The following LCORL variants were observed in gnomAD, a reference collection of about 807,000 sequenced individuals.
The protein encoded by LCORL is ligand-dependent nuclear receptor corepressor-like protein.
A neutral mutation model predicts 141.8 loss-of-function variants in LCORL; 41 were observed. The ratio of observed to expected loss-of-function variants is 0.29; its 90% CI spans 0.23 to 0.38. LCORL has a LOEUF of 0.38. Ranked by LOEUF, LCORL falls within the 10% of genes least tolerant of loss-of-function variation. LCORL has a pLI of 1.00. For synonymous variants in LCORL, 618 were observed against 694.1 expected, an observed-to-expected ratio of 0.89 and a Z score of 1.72; for missense variants, 1,759 against 2,035.0, an observed-to-expected ratio of 0.86 and a Z score of 2.61.
intron 1 of LCORL, among the ~76,000 whole-genome samples, chr4:17,976,527 C>A (rs1294853840): frequency 6.6e-6 from 1 of 152,014 alleles, no homozygotes; most frequent in African/African-American, 2.4e-5. Context: ...ATGTAAGAAT[C>A]AATACATAGA....
chr4:17,873,616 T>A (rs1726607371), exon 7 of LCORL: 2 of 1,233,892 alleles, frequency 1.6e-6, no homozygotes, highest in Non-Finnish European at 2.0e-6. Flanking sequence ...GTGTTAGCAT[T>A]TTCTATTTCT....
chr4:17,882,368 T>C (rs1463025824), intron 6 of LCORL: 1 of 983,588 alleles, frequency 1.0e-6, no homozygotes, highest in Non-Finnish European at 1.2e-6. Context: ...ATTCTTTATA[T>C]GAAGGCATAT....
chr4:17,885,333 A>T (rs1394989493), intron 6 of LCORL, among the ~76,000 whole-genome samples: 1 of 151,980 alleles, frequency 6.6e-6, no homozygotes, highest in East Asian at 1.9e-4. Flanking sequence ...AAATGTCACT[A>T]TTTCAAATTA....
At chr4:17,855,178 C>T (rs6844379) in intron 7 of LCORL, among the ~76,000 whole-genome samples, 106,160 of 151,984 alleles carry the variant, frequency 0.7, 37,361 homozygotes, top group South Asian at 0.85. Flanking sequence ...TCTTCAGAAA[C>T]TAATGAACAC....
chr4:17,881,551 T>TA, intron 6 of LCORL: 1 of 949,386 alleles, frequency 1.1e-6, no homozygotes, highest in South Asian at 4.9e-5. Context: ...ATATTACCTA[T>TA]AAAACTACTG....
At chr4:17,934,194 A>T (rs962375321) in intron 4 of LCORL, among the ~76,000 whole-genome samples, 3 of 152,104 alleles carry the variant, frequency 2.0e-5, no homozygotes, top group Admixed American at 1.3e-4. Context: ...CAACATACAC[A>T]AACTGATTCT....
At chr4:17,959,574 A>G (rs1051803580) in intron 4 of LCORL, among the ~76,000 whole-genome samples, 4 of 152,102 alleles carry the variant, frequency 2.6e-5, no homozygotes, top group African/African-American at 9.7e-5. Flanking sequence ...TATCCCAGGT[A>G]GTGATATTCT....
chr4:17,855,441 CCT>C (rs1190105322), intron 7 of LCORL, among the ~76,000 whole-genome samples: 1 of 152,212 alleles, frequency 6.6e-6, no homozygotes, highest in East Asian at 1.9e-4. Flanking sequence ...GTTCCGAAAC[CCT>C]GTTTGCATCT....
intron 1 of LCORL, among the ~76,000 whole-genome samples, chr4:18,019,687 G>GAA (rs35744206): frequency 5.3e-5 from 8 of 150,668 alleles, no homozygotes; most frequent in Non-Finnish European, 7.4e-5. Context: ...AAGAAGACCA[G>GAA]AAAAAAAAAC....
chr4:17,885,906 AAGAG>A (rs1352662425), intron 6 of LCORL, among the ~76,000 whole-genome samples, 158 bp downstream of exon 6: 1 of 151,922 alleles, frequency 6.6e-6, no homozygotes, highest in Non-Finnish European at 1.5e-5. Flanking sequence ...ATAAAAAAGA[AAGAG>A]AAAGGACAAA....
intron 5 of LCORL, among the ~76,000 whole-genome samples, chr4:17,899,573 T>C (rs891666625): frequency 6.6e-6 from 1 of 152,196 alleles, no homozygotes; most frequent in African/African-American, 2.4e-5. Flanking sequence ...GTAAATTTTG[T>C]TCTTAATGTA....
At chr4:17,871,458 A>C (rs920375635) in intron 7 of LCORL, among the ~76,000 whole-genome samples, 17 of 152,076 alleles carry the variant, frequency 1.1e-4, no homozygotes, top group African/African-American at 3.4e-4. Context: ...TATTTTTTCT[A>C]GGATGATTTC....
At chr4:17,876,816 G>A in exon 7 of LCORL, 1 of 1,230,670 alleles carries the variant, frequency 8.1e-7, no homozygotes, top group Non-Finnish European at 1.0e-6. Flanking sequence ...TTTCTCAGGG[G>A]AAGTTGTTTT....
chr4:17,873,697 T>C, exon 7 of LCORL: 1 of 1,233,896 alleles, frequency 8.1e-7, no homozygotes, highest in South Asian at 4.1e-5. Context: ...GATTCTTCCA[T>C]ATGAGTCTGA....
chr4:17,842,383 T>C (rs758489610), exon 8 of LCORL: 3 of 1,610,192 alleles, frequency 1.9e-6, no homozygotes, highest in Non-Finnish European at 2.5e-6. Flanking sequence ...CTGAAAGGTA[T>C]GTCATGCATG....
chr4:17,917,189 G>GT (rs925657686), intron 4 of LCORL, among the ~76,000 whole-genome samples: 5 of 150,526 alleles, frequency 3.3e-5, no homozygotes, highest in South Asian at 2.1e-4. Context: ...GCCAGGCTGA[G>GT]TTTTTTTTGT....
chr4:17,920,966 T>A (rs1421645748), intron 4 of LCORL, among the ~76,000 whole-genome samples: 1 of 152,182 alleles, frequency 6.6e-6, no homozygotes, highest in Non-Finnish European at 1.5e-5. Context: ...CAAATCAACT[T>A]CTTCTGTTAA....
intron 1 of LCORL, among the ~76,000 whole-genome samples, chr4:17,982,866 T>C (rs1019118219): frequency 1.1e-4 from 16 of 152,208 alleles, no homozygotes; most frequent in Non-Finnish European, 2.2e-4. Flanking sequence ...TGGTACTGCC[T>C]AGGTTGTCTT....
intron 1 of LCORL, among the ~76,000 whole-genome samples, chr4:17,992,974 T>C (rs967980575): frequency 6.6e-5 from 10 of 152,178 alleles, no homozygotes; most frequent in African/African-American, 2.2e-4. Context: ...TTGATGACAT[T>C]TGATGATGAT....
Sources: gnomAD v4.1 joint callset for allele counts (sites outside exome capture counted in the v4.1 genomes callset) on GRCh38, gnomAD v4.1.1 for gene constraint, MANE v1.5 for transcripts, NCBI Gene and HGNC (gene_info 2026-07-23, HGNC 2026-07-21) for gene names.